The following E2F3 variants were observed in gnomAD, a reference collection of about 807,000 sequenced individuals.
E2F3 encodes E2F transcription factor 3.
Under a neutral mutation model 44.4 loss-of-function variants are expected in E2F3, and 11 were observed. The ratio of observed to expected loss-of-function variants is 0.25; its 90% CI spans 0.16 to 0.41. The LOEUF (loss-of-function observed/expected upper bound fraction) is 0.41. Among genes scored for constraint, E2F3 ranks in the 10% least tolerant of loss-of-function variants. E2F3 has a pLI of 1.00. For missense variants in E2F3, 487 were observed against 583.6 expected, an observed-to-expected ratio of 0.83 and a Z score of 1.70; for synonymous variants, 249 against 253.0, an observed-to-expected ratio of 0.98 and a Z score of 0.15.
At chr6:20,450,775 C>T (rs1309770925) in intron 1 of E2F3, among the ~76,000 whole-genome samples, 3 of 152,088 alleles carry the variant, frequency 2.0e-5, no homozygotes, top group Admixed American at 6.6e-5. Flanking sequence ...TTACACTTAC[C>T]TTTAATCCAT....
chr6:20,441,803 A>G (rs1760784838), intron 1 of E2F3, among the ~76,000 whole-genome samples: 1 of 149,498 alleles, frequency 6.7e-6, no homozygotes. Flanking sequence ...CCTTACCTCA[A>G]GCCATCCACC....
chr6:20,407,556 G>C (rs1224705116), intron 1 of E2F3, among the ~76,000 whole-genome samples: 1 of 152,128 alleles, frequency 6.6e-6, no homozygotes, highest in Admixed American at 6.5e-5. Context: ...TGACAGACGG[G>C]GTGAAAGCTT....
intron 1 of E2F3, among the ~76,000 whole-genome samples, chr6:20,436,931 G>A (rs1447193063): frequency 1.3e-5 from 2 of 152,124 alleles, no homozygotes; most frequent in African/African-American, 2.4e-5. Context: ...ACCAGCCTGG[G>A]CAGCACAGTG....
chr6:20,420,821 C>A (rs1330135315), intron 1 of E2F3, among the ~76,000 whole-genome samples: 1 of 152,150 alleles, frequency 6.6e-6, no homozygotes, highest in Non-Finnish European at 1.5e-5. Context: ...AAGAAAAAAT[C>A]AAGTTTTCCA....
intron 1 of E2F3, among the ~76,000 whole-genome samples, chr6:20,451,742 G>A (rs1323674155): frequency 1.3e-5 from 2 of 152,116 alleles, no homozygotes; most frequent in African/African-American, 2.4e-5. Flanking sequence ...CATTCAATAT[G>A]TAGTTTACTG....
rs371125312 is a variant in E2F3, at chr6:20,402,421, G to T, written c.189G>T (p.Thr63=). Residue 63 remains threonine, a synonymous_variant, in exon 1 of 7, where the codon ACG becomes ACT. Coordinates refer to ENST00000346618, the MANE Select transcript of E2F3 (RefSeq NM_001949.5). This position sits in a 1 kb window ranked among gnomAD's most constrained non-coding sequence, Gnocchi z 5.6. ...GCGCGTACATCCAGATCCTCACCACGAACACTTCCACCACCTCCTGTTCCT... is the reference window on the plus strand; with the variant it reads ...GCGCGTACATCCAGATCCTCACCACTAACACTTCCACCACCTCCTGTTCCT... The part of the protein sequence containing the change: ...APGAYIQILT[T]NTSTTSCSSS... 7 of 1,607,568 alleles carry T rather than the reference G, an allele frequency of 4.4e-6. No individual in the cohort carries two copies. The highest frequency in any genetic ancestry group is 5.9e-6 in the Non-Finnish European group (7 of 1,178,462).
intron 1 of E2F3, among the ~76,000 whole-genome samples, chr6:20,433,609 G>A (rs1760475956): frequency 6.6e-6 from 1 of 152,074 alleles, no homozygotes; most frequent in Non-Finnish European, 1.5e-5. Flanking sequence ...AGTAATTTTT[G>A]ACCTGCTGCT....
intron 1 of E2F3, among the ~76,000 whole-genome samples, chr6:20,413,146 G>T (rs748853185): frequency 5.3e-5 from 8 of 152,202 alleles, no homozygotes; most frequent in Non-Finnish European, 1.2e-4. Context: ...TTTATCCTCT[G>T]TGGTCTCTGG....
Position 20,491,992 on chromosome 6 carries a change from A to C in E2F3, c.*1562A>C, listed in dbSNP as rs1762565773. The stretch of plus-strand genomic sequence containing the variant: ...GAATATGGCGTAGTATCTCCGGTCC[A>C]TTCCTTGGATGCTAAGGACTGCGGG... On this transcript the variant is annotated 3_prime_UTR_variant, in exon 7 of 7. Coordinates refer to ENST00000346618, the MANE Select transcript of E2F3 (RefSeq NM_001949.5). The C allele has an allele frequency of 5.3e-6, 1 of 187,990 alleles. No individual in the cohort carries two copies. The highest frequency in any genetic ancestry group is 1.1e-5 in the Non-Finnish European group (1 of 88,820). The allele number at this position is 187,990 out of a possible 1,614,324, so 11.6% of individuals were successfully genotyped here.
At chr6:20,489,471 C>T (rs1762494955) in intron 6 of E2F3, among the ~76,000 whole-genome samples, 1 of 151,286 alleles carries the variant, frequency 6.6e-6, no homozygotes, top group African/African-American at 2.4e-5. Flanking sequence ...GACGCCGTCT[C>T]TTAAAAAAAA....
At chr6:20,439,491 T>C (rs1486112176) in intron 1 of E2F3, among the ~76,000 whole-genome samples, 3 of 152,220 alleles carry the variant, frequency 2.0e-5, no homozygotes, top group Non-Finnish European at 4.4e-5. Flanking sequence ...TGATTACAAG[T>C]GCAGTGACAT....
intron 1 of E2F3, among the ~76,000 whole-genome samples, chr6:20,404,884 A>G (rs1000619514): frequency 6.6e-6 from 1 of 152,232 alleles, no homozygotes; most frequent in Non-Finnish European, 1.5e-5. Context: ...ATGTTTGGAC[A>G]TATTTTAAGC....
At chr6:20,488,791 C>T (rs181156924) in intron 6 of E2F3, among the ~76,000 whole-genome samples, 2 of 152,106 alleles carry the variant, frequency 1.3e-5, no homozygotes, top group South Asian at 4.1e-4. Context: ...GTCAGGAGAT[C>T]GAGACTGTCC....
In E2F3 at chr6:20,481,295, G is replaced by A; in HGVS notation, c.595G>A (p.Asp199Asn). 5 of 1,614,082 alleles carry A rather than the reference G, an allele frequency of 3.1e-6. No individual in the cohort carries two copies. Among genetic ancestry groups the A allele is most frequent in the Non-Finnish European group, 4.2e-6 (5 of 1,179,998 alleles). The change falls in exon 3 of 7, where the codon GAT becomes AAT. Residue 199 changes from aspartate (D) to asparagine (N), a missense_variant. This residue lies in a region of E2F3 where 29 missense variants were observed against 85.9 expected (regional missense o/e 0.34). Coordinates refer to ENST00000346618, the MANE Select transcript of E2F3 (RefSeq NM_001949.5). Reference sequence around the variant, plus strand: ...CATTCAGCTCCTGAGCCAGTCACCCGATGGGGTATTGGATTTGAACAAGGC... The same window carrying A: ...CATTCAGCTCCTGAGCCAGTCACCCAATGGGGTATTGGATTTGAACAAGGC... ...KFIQLLSQSP[D>N]GVLDLNKAAE...
At chr6:20,429,372 T>A (rs897333874) in intron 1 of E2F3, among the ~76,000 whole-genome samples, 4 of 152,238 alleles carry the variant, frequency 2.6e-5, no homozygotes, top group African/African-American at 9.6e-5. Context: ...TGCACTCGGT[T>A]CTGAGTAGCA....
In E2F3 at chr6:20,481,435, A is replaced by G; in HGVS notation, c.725+10A>G. The G allele has an allele frequency of 1.2e-5, 20 of 1,613,382 alleles. No homozygotes were observed. The highest frequency in any genetic ancestry group is 1.7e-5 in the Non-Finnish European group (20 of 1,179,506). ...ACAACGTCCAATGGATGTGAGTAGG[A>G]GTCCTCCCCATGCCCCGGCTCTGAG... On this transcript the variant is annotated intron_variant, in intron 3 of 6. Transcript: ENST00000346618.
rs559541634 is a variant in E2F3 at position 20,466,747 on chromosome 6, ATC to A, written c.394-13095_394-13094del. ...GCCCAGGCTCGAGTGCAGTGGCGCA[ATC>A]TCTGCTCACTGCAATCTCCGCCTGC... On this transcript the variant is annotated intron_variant, in intron 1 of 6. Coordinates refer to ENST00000346618, the MANE Select transcript of E2F3 (RefSeq NM_001949.5). Among the ~76,000 whole-genome samples the A allele has an allele frequency of 5.5e-4, 82 of 150,316 alleles. No individual in the cohort carries two copies. The South Asian group carries it at 8.8e-3, about 16-fold the overall frequency.
intron 1 of E2F3, among the ~76,000 whole-genome samples, chr6:20,460,474 G>A (rs1383062992): frequency 1.3e-5 from 2 of 151,976 alleles, no homozygotes; most frequent in Non-Finnish European, 2.9e-5. Flanking sequence ...ATGTACCTTG[G>A]CCATAGAATA....
intron 1 of E2F3, among the ~76,000 whole-genome samples, chr6:20,470,616 T>G (rs1161337512): frequency 6.6e-6 from 1 of 152,226 alleles, no homozygotes; most frequent in African/African-American, 2.4e-5. Flanking sequence ...TCATTTTCCT[T>G]CTTCCTTTGT....
Sources: gnomAD v4.1 joint callset for allele counts (sites outside exome capture counted in the v4.1 genomes callset) on GRCh38, gnomAD v4.1.1 for gene constraint, gnomAD v4.1.1 regional missense constraint, Gnocchi (gnomAD v3.1) non-coding constraint, MANE v1.5 for transcripts, NCBI Gene and HGNC (gene_info 2026-07-23, HGNC 2026-07-21) for gene names.